ADAM22: variants seen among roughly 807,000 people sequenced by gnomAD.
ADAM22 encodes the protein ADAM metallopeptidase domain 22, also known as disintegrin and metalloproteinase domain-containing protein 22.
ADAM22 carries 65 observed loss-of-function variants against 144.6 expected under a neutral mutation model. That is an observed-to-expected ratio of 0.45 (90% CI 0.37 to 0.55). ADAM22 has a LOEUF of 0.55. Ranked by LOEUF, ADAM22 falls within the 20% of genes least tolerant of loss-of-function variation. The probability of loss-of-function intolerance (pLI) is 0.00; values close to 1 mark genes in which losing one functional copy is unlikely to be tolerated. For synonymous variants in ADAM22, 391 were observed against 412.6 expected (o/e 0.95, Z 0.63); for missense variants, 974 against 1,184.9 (o/e 0.82, Z 2.61).
Position 87,934,255 on chromosome 7 carries a change from G to C in ADAM22, c.-211G>C. ...CAGCCAACCGCCCAATGCAGCACTC[G>C]CTCGCTCCCCCCGCCAGCGGAAGCG... On this transcript the variant is annotated 5_prime_UTR_variant, in exon 1 of 32. Transcript: ENST00000413139. The C allele has an allele frequency of 2.0e-6, 1 of 504,416 alleles. No homozygotes were observed. Among genetic ancestry groups the C allele is most frequent in the East Asian group, 3.6e-5 (1 of 27,768 alleles). 31.2% of individuals were successfully genotyped at this position (504,416 alleles called of 1,614,324 possible). A position where few individuals can be genotyped will look rare whatever the true frequency, so the allele number is the denominator to read the frequency against.
At chr7:88,149,771 G>T (rs1285135183) in intron 18 of ADAM22, among the ~76,000 whole-genome samples, 2 of 152,148 alleles carry the variant, frequency 1.3e-5, no homozygotes, top group African/African-American at 4.8e-5. Context: ...ATAGGAAGGT[G>T]AAAGAATAGT....
rs865923363 is a variant in ADAM22 at position 88,113,719 on chromosome 7, T to A, written c.474-865T>A. 7.0e-5 allele frequency among the ~76,000 whole-genome samples: 8 copies of A among 114,646 alleles called. 1 individual carries two copies. In the East Asian group the frequency reaches 1.1e-3, roughly 16 times the overall value. 75.2% of individuals were successfully genotyped at this position (114,646 alleles called of 152,430 possible). ...AAATAAATAAATATATATATATATA[T>A]ATATATATATATATATATATAGTAA... On this transcript the variant is annotated intron_variant, in intron 5 of 31. Coordinates refer to ENST00000413139, the MANE Select transcript of ADAM22 (RefSeq NM_001324418.2).
rs1302572781 is a variant in ADAM22, at chr7:87,935,066, C to G, written c.126C>G (p.Asn42Lys). The change falls in exon 2 of 32, where the codon AAC becomes AAG. Residue 42 changes from asparagine to lysine, a missense_variant. Coordinates refer to ENST00000413139, the MANE Select transcript of ADAM22 (RefSeq NM_001324418.2). ...SLMELEKRKE[N>K]RFVERQSIVP... ...TGGAGCTAGAGAAGAGGAAGGAAAA[C>G]CGCTTCGTGGAGCGCCAGAGCATCG... 14 of 1,614,060 alleles carry G rather than the reference C, an allele frequency of 8.7e-6. No individual in the cohort carries two copies. Among genetic ancestry groups the G allele is most frequent in the Non-Finnish European group, 1.1e-5 (13 of 1,180,044 alleles).
intron 3 of ADAM22, among the ~76,000 whole-genome samples, chr7:88,021,689 A>T (rs2129466316): frequency 6.6e-6 from 1 of 152,270 alleles, no homozygotes; most frequent in African/African-American, 2.4e-5. Context: ...TCATGAATGG[A>T]TGCTGAATTT....
At chr7:87,998,734 C>A (rs1488877611) in intron 3 of ADAM22, among the ~76,000 whole-genome samples, 3 of 152,134 alleles carry the variant, frequency 2.0e-5, no homozygotes, top group African/African-American at 7.2e-5. Flanking sequence ...CCCCTGATTC[C>A]ATCTGCAAAG....
chr7:88,008,749 G>T (rs1456460411), intron 3 of ADAM22, among the ~76,000 whole-genome samples: 4 of 151,930 alleles, frequency 2.6e-5, no homozygotes, highest in Non-Finnish European at 5.9e-5. Context: ...GGGGACTGTT[G>T]TGGGGTGGGG....
chr7:88,152,406 A>C (rs943706099), intron 20 of ADAM22, among the ~76,000 whole-genome samples: 2 of 152,208 alleles, frequency 1.3e-5, no homozygotes, highest in African/African-American at 4.8e-5. Context: ...TTTGACTTCC[A>C]GAGATTTAGC....
intron 2 of ADAM22, among the ~76,000 whole-genome samples, chr7:87,954,276 T>G (rs1846057665): frequency 6.6e-6 from 1 of 152,224 alleles, no homozygotes; most frequent in Admixed American, 6.5e-5. Flanking sequence ...TGCAGTGGCT[T>G]GTACCCGTTG....
At chr7:87,996,284 A>G (rs752123692) in intron 3 of ADAM22, among the ~76,000 whole-genome samples, 2 of 152,190 alleles carry the variant, frequency 1.3e-5, no homozygotes, top group Non-Finnish European at 2.9e-5. Flanking sequence ...TACCATAAGG[A>G]CTGGGTAGCT....
At chr7:87,979,572 T>C (rs1476502713) in intron 3 of ADAM22, among the ~76,000 whole-genome samples, 1 of 152,190 alleles carries the variant, frequency 6.6e-6, no homozygotes, top group Non-Finnish European at 1.5e-5. Context: ...CCATTATTGA[T>C]GTATGGCCAT....
chr7:88,091,779 A>G (rs1819920521), intron 4 of ADAM22, among the ~76,000 whole-genome samples: 1 of 152,194 alleles, frequency 6.6e-6, no homozygotes, highest in Non-Finnish European at 1.5e-5. Context: ...AGGAATTAGA[A>G]TGCAAATATT....
chr7:88,017,056 C>A (rs1485908131), intron 3 of ADAM22, among the ~76,000 whole-genome samples: 2 of 152,044 alleles, frequency 1.3e-5, no homozygotes, highest in Non-Finnish European at 2.9e-5. Flanking sequence ...GAGCTTGAGG[C>A]TGAAGTGAGC....
At chr7:88,059,546 A>G (rs754538945) in intron 3 of ADAM22, among the ~76,000 whole-genome samples, 1 of 152,212 alleles carries the variant, frequency 6.6e-6, no homozygotes, top group Non-Finnish European at 1.5e-5. Context: ...TATAAAAGTT[A>G]TGTTCAGACA....
At chr7:88,077,757 G>T (rs994646813) in intron 4 of ADAM22, among the ~76,000 whole-genome samples, 2 of 152,224 alleles carry the variant, frequency 1.3e-5, no homozygotes, top group Non-Finnish European at 2.9e-5. Context: ...TAGCACAGCA[G>T]TCTGAGATCA....
At chr7:88,182,450 T>G (rs1036603925) in intron 29 of ADAM22, among the ~76,000 whole-genome samples, 1 of 152,220 alleles carries the variant, frequency 6.6e-6, no homozygotes, top group African/African-American at 2.4e-5. Flanking sequence ...GCTCATGATC[T>G]AAAACCACCA....
chr7:87,962,111 G>A (rs1410363550), intron 2 of ADAM22, among the ~76,000 whole-genome samples: 5 of 152,154 alleles, frequency 3.3e-5, no homozygotes, highest in Non-Finnish European at 7.3e-5. Flanking sequence ...AGTATTTCAG[G>A]AGAATTAGTG....
At chr7:88,010,061 TG>T (rs1004342911) in intron 3 of ADAM22, among the ~76,000 whole-genome samples, 9 of 152,066 alleles carry the variant, frequency 5.9e-5, no homozygotes, top group African/African-American at 1.4e-4. Context: ...TAGAACCATG[TG>T]AACATATTGC....
chr7:87,996,894 C>T (rs1791368628), intron 3 of ADAM22, among the ~76,000 whole-genome samples: 1 of 152,180 alleles, frequency 6.6e-6, no homozygotes, highest in Non-Finnish European at 1.5e-5. Context: ...GCAACAGTGC[C>T]TGTTTTATTG....
chr7:87,976,914 G>T, intron 2 of ADAM22, among the ~76,000 whole-genome samples: 1 of 150,270 alleles, frequency 6.7e-6, no homozygotes, highest in African/African-American at 2.5e-5. Flanking sequence ...GCTTACATTT[G>T]GGGTTTTGAT....
Sources: gnomAD v4.1 joint callset for allele counts (sites outside exome capture counted in the v4.1 genomes callset) on GRCh38, gnomAD v4.1.1 for gene constraint, MANE v1.5 for transcripts, NCBI Gene and HGNC (gene_info 2026-07-23, HGNC 2026-07-21) for gene names.